Variants in HEATR9 observed in about 807,000 individuals in gnomAD.
HEATR9 encodes the protein protein HEATR9.
In HEATR9, 54 loss-of-function variants were observed where a neutral mutation model predicts 68.2. The ratio of observed to expected loss-of-function variants is 0.79; its 90% CI spans 0.64 to 0.99. HEATR9 has a LOEUF of 0.99. Ranked by LOEUF, HEATR9 falls within the 50% of genes least tolerant of loss-of-function variation. HEATR9 has a pLI of 0.00. For missense variants in HEATR9, 662 were observed against 679.7 expected, an observed-to-expected ratio of 0.97 and a Z score of 0.29; for synonymous variants, 241 against 253.5, an observed-to-expected ratio of 0.95 and a Z score of 0.47.
chr17:35,855,558 C>T (rs2087741325), intron 14 of HEATR9, 106 bp downstream of exon 14: 8 of 1,310,620 alleles, frequency 6.1e-6, no homozygotes, highest in South Asian at 1.2e-5. Context: ...TCTAAGGGCT[C>T]ATGACCCTCT....
Position 35,858,934 on chromosome 17 carries a change from A to G in HEATR9, c.893T>C (p.Phe298Ser). 1 of 1,614,148 alleles carries G rather than the reference A, an allele frequency of 6.2e-7. No homozygotes were observed. The highest frequency in any genetic ancestry group is 8.5e-7 in the Non-Finnish European group (1 of 1,180,036). The change falls in exon 9 of 15, where the codon TTC (phenylalanine) becomes TCC (serine). Residue 298 changes from phenylalanine to serine, a missense_variant. Coordinates refer to ENST00000604834, the MANE Select transcript of HEATR9 (RefSeq NM_152781.4). ...LRPCSNMVQE[F>S]LLQCLCQGLK... The stretch of plus-strand genomic sequence containing the variant: ...TCCTTGGCACAGGCACTGCAACAAG[A>G]ACTCTTGGACCATGTTGCTGCAAGG...
intron 13 of HEATR9, 103 bp from the exon 14 acceptor site, chr17:35,855,853 G>C (rs575438930): frequency 9.4e-6 from 9 of 955,200 alleles, no homozygotes; most frequent in Admixed American, 3.8e-5. Flanking sequence ...GCATAGAGAG[G>C]GGGGAGATAG....
chr17:35,866,758 A>G lies in HEATR9; in HGVS notation c.104T>C (p.Met35Thr). The G allele has an allele frequency of 6.2e-7, 1 of 1,614,124 alleles. No individual in the cohort carries two copies. Among genetic ancestry groups the G allele is most frequent in the Non-Finnish European group, 8.5e-7 (1 of 1,179,972 alleles). ...PDKTKELRKA[M>T]APVHLPLSCY... ...GGACAAGGGCAGATGAACAGGAGCCATGGCTTTTCTGAGTTCTGGCAAGAG... is the reference window on the plus strand; with the variant it reads ...GGACAAGGGCAGATGAACAGGAGCCGTGGCTTTTCTGAGTTCTGGCAAGAG... Residue 35 changes from methionine to threonine, a missense_variant, in exon 2 of 15, where the codon ATG becomes ACG. Physicochemically the swap from Met to Thr is moderately conservative, Grantham distance 81 (BLOSUM62 -1). Coordinates refer to ENST00000604834, the MANE Select transcript of HEATR9 (RefSeq NM_152781.4).
At position 35,864,377 on chromosome 17, in the gene HEATR9, G is replaced by A; in HGVS notation, c.511-75C>T. On this transcript the variant is annotated intron_variant, in intron 5 of 14. Transcript: ENST00000604834. Reference sequence around the variant, plus strand: ...CAGGAGTTACCATTCTCTGGATACAGCTGGAGTTTGTGCTTGGAATACCAT... The same window carrying A: ...CAGGAGTTACCATTCTCTGGATACAACTGGAGTTTGTGCTTGGAATACCAT... The A allele has an allele frequency of 2.0e-6, 3 of 1,524,362 alleles. No homozygotes were observed. The East Asian group carries it at 6.8e-5, about 34-fold the overall frequency. The allele number at this position is 1,524,362 out of a possible 1,614,324, so 94.4% of individuals were successfully genotyped here.
At chr17:35,861,453 T>C in intron 8 of HEATR9, 2 of 1,578,448 alleles carry the variant, frequency 1.3e-6, no homozygotes, top group Non-Finnish European at 1.7e-6. Context: ...TTTTAAAGTT[T>C]CTATGACACT....
chr17:35,858,671 G>C, intron 9 of HEATR9, 146 bp from the exon 10 acceptor site: 1 of 837,942 alleles, frequency 1.2e-6, no homozygotes, highest in Non-Finnish European at 1.9e-6. Flanking sequence ...AGAAGTTCAT[G>C]TGTGCATATA....
At chr17:35,862,953 TG>T (rs768187803) in intron 8 of HEATR9, 41 bp downstream of exon 8, 8 of 1,613,914 alleles carry the variant, frequency 5.0e-6, no homozygotes, top group Non-Finnish European at 6.8e-6. Context: ...TCAATTACCT[TG>T]TCCAGCTTTG....
At chr17:35,862,446 G>A (rs575869972) in intron 8 of HEATR9, among the ~76,000 whole-genome samples, 5 of 152,270 alleles carry the variant, frequency 3.3e-5, no homozygotes, top group Admixed American at 6.5e-5. Flanking sequence ...CTTGGGCCCC[G>A]TCCCTTCTTG....
chr17:35,859,754 G>A (rs1313814186), intron 8 of HEATR9, among the ~76,000 whole-genome samples: 1 of 152,222 alleles, frequency 6.6e-6, no homozygotes, highest in Non-Finnish European at 1.5e-5. Context: ...AAATGTGTGA[G>A]CACAGACCTC....
intron 4 of HEATR9, 30 bp from the exon 5 acceptor site, chr17:35,864,583 A>G (rs200572920): frequency 3.7e-6 from 6 of 1,601,326 alleles, no homozygotes; most frequent in Non-Finnish European, 5.1e-6. Context: ...AGTGGAAAGG[A>G]AGACAGAGAA....
chr17:35,864,742 C>T lies in HEATR9; in HGVS notation c.453+16G>A, dbSNP rs1266655690. The T allele has an allele frequency of 6.2e-7, 1 of 1,614,020 alleles. No homozygotes were observed. The highest frequency in any genetic ancestry group is 2.2e-5 in the East Asian group (1 of 44,870). On this transcript the variant is annotated intron_variant, in intron 4 of 14. Transcript: ENST00000604834. The stretch of plus-strand genomic sequence containing the variant: ...AGGGAGGGAGTCCCCCACGTCCTCT[C>T]CCACATGGTCCTGACCCTTAATCTT...
intron 3 of HEATR9, 42 bp downstream of exon 3, chr17:35,865,173 G>C: frequency 1.3e-6 from 2 of 1,587,338 alleles, no homozygotes; most frequent in Non-Finnish European, 1.7e-6. Flanking sequence ...TTTCCTAGAA[G>C]ATGTGGAGGG....
In HEATR9 at chr17:35,863,044, G is replaced by A. The variant is rs750491568; in HGVS notation, c.707C>T (p.Thr236Met). 59 of 1,614,006 alleles carry A rather than the reference G, an allele frequency of 3.7e-5. No homozygotes were observed. Among genetic ancestry groups the A allele is most frequent in the Admixed American group, 8.3e-5 (5 of 59,996 alleles). The change falls in exon 8 of 15, where the codon ACG (threonine) becomes ATG (methionine). Residue 236 changes from threonine to methionine, a missense_variant. By Grantham distance (81) the Thr-to-Met change is moderately conservative. Coordinates refer to ENST00000604834, the MANE Select transcript of HEATR9 (RefSeq NM_152781.4). ...GGAGTTAAGAGCCATTCGTAGCCCCGTCAAAGTCTCCATCCTTTGACCCTC... is the reference window on the plus strand; with the variant it reads ...GGAGTTAAGAGCCATTCGTAGCCCCATCAAAGTCTCCATCCTTTGACCCTC... ...KNEGQRMETL[T>M]GLRMALNSWA...
chr17:35,868,617 C>G (rs772475693), intron 1 of HEATR9, 38 bp downstream of exon 1: 1 of 1,613,732 alleles, frequency 6.2e-7, no homozygotes, highest in South Asian at 1.1e-5. Context: ...TTTTCAGTCC[C>G]CTGCTCTTGG....
chr17:35,864,789 G>C lies in HEATR9; in HGVS notation c.422C>G (p.Thr141Ser). ...TCTTTGCCACTTCAGGGGGTCCTGGGTAGGCTCTAAGGGCCTGGATCGCAT... is the reference window on the plus strand; with the variant it reads ...TCTTTGCCACTTCAGGGGGTCCTGGCTAGGCTCTAAGGGCCTGGATCGCAT... ...SEMRSRPLEP[T>S]QDPLKWQRLR... Residue 141 changes from threonine (T) to serine (S), a missense_variant, in exon 4 of 15, where the codon ACC becomes AGC. By Grantham distance (58) the Thr-to-Ser change is moderately conservative (BLOSUM62 1). Transcript: ENST00000604834. 6.2e-7 allele frequency: 1 copy of C among 1,614,186 alleles called. No individual in the cohort carries two copies. The highest frequency in any genetic ancestry group is 1.7e-5 in the Admixed American group (1 of 60,022).
chr17:35,868,429 C>CT, intron 1 of HEATR9: 2 of 661,220 alleles, frequency 3.0e-6, no homozygotes, highest in South Asian at 3.2e-5. Flanking sequence ...GGAGCAGAAG[C>CT]TGGGGAGACA....
Position 35,858,333 on chromosome 17 carries a change from T to C in HEATR9, c.1033-14A>G. On this transcript the variant is annotated splice_polypyrimidine_tract_variant and intron_variant, in intron 10 of 14. Coordinates refer to ENST00000604834, the MANE Select transcript of HEATR9 (RefSeq NM_152781.4). ...TTCAAAGCGGTCCTGAGGTCGGGGG[T>C]GAGGGTTAGTGGGGAGGTGTGAAAG... 6.2e-7 allele frequency: 1 copy of C among 1,614,000 alleles called. No individual in the cohort carries two copies. The highest frequency in any genetic ancestry group is 8.5e-7 in the Non-Finnish European group (1 of 1,179,988).
chr17:35,865,082 G>C (rs1168064385), intron 3 of HEATR9, 133 bp downstream of exon 3: 6 of 1,310,096 alleles, frequency 4.6e-6, no homozygotes, highest in Admixed American at 4.0e-5. Flanking sequence ...GAGCCAAGCC[G>C]AGCCGCCCTA....
At chr17:35,862,622 C>G (rs2088034782) in intron 8 of HEATR9, among the ~76,000 whole-genome samples, 1 of 152,174 alleles carries the variant, frequency 6.6e-6, no homozygotes. Context: ...CAATGACGTC[C>G]CATGGATGGG....
Sources: allele counts gnomAD v4.1 joint callset (sites outside exome capture counted in the v4.1 genomes callset), GRCh38; gene constraint gnomAD v4.1.1; transcripts MANE v1.5; gene names NCBI Gene and HGNC (gene_info 2026-07-23, HGNC 2026-07-21).